MOSPD2: variants seen among roughly 807,000 people sequenced by gnomAD.
MOSPD2 encodes motile sperm domain containing 2.
In MOSPD2, 5 loss-of-function variants were observed where a neutral mutation model predicts 41.7. The ratio of observed to expected loss-of-function variants is 0.12; its 90% CI spans 0.06 to 0.25. MOSPD2 has a LOEUF of 0.25. Among genes scored for constraint, MOSPD2 ranks in the 10% least tolerant of loss-of-function variants. The probability of loss-of-function intolerance (pLI) is 1.00; values close to 1 mark genes in which losing one functional copy is unlikely to be tolerated. For missense variants in MOSPD2, 282 were observed against 375.2 expected (o/e 0.75, Z 2.05); for synonymous variants, 115 against 126.9 (o/e 0.91, Z 0.63).
At chrX:14,888,195 TACACACACACGCACACACACACAC>T (rs1490455166) in intron 2 of MOSPD2, among the ~76,000 whole-genome samples, 52 of 88,778 alleles carry the variant, frequency 5.9e-4, no homozygotes, top group Admixed American at 1.2e-3. Context: ...GGAGAATATA[TACACACACACGCACACACACACAC>T]ACACACACAC....
chrX:14,900,024 C>T (rs149179253), intron 5 of MOSPD2, among the ~76,000 whole-genome samples: 2,036 of 111,095 alleles, frequency 0.018, 18 homozygotes, highest in Non-Finnish European at 0.029. Context: ...ATTTAAAAAG[C>T]CAGAAATGGA....
At chrX:14,907,462 C>T (rs1230310380) in intron 7 of MOSPD2, among the ~76,000 whole-genome samples, 1 of 112,287 alleles carries the variant, frequency 8.9e-6, no homozygotes, top group Admixed American at 9.5e-5. Context: ...CCTAAATATT[C>T]ATCAGTTGCT....
chrX:14,883,693 G>A (rs1196991213), intron 2 of MOSPD2, among the ~76,000 whole-genome samples: 1 of 111,453 alleles, frequency 9.0e-6, no homozygotes, highest in Non-Finnish European at 1.9e-5. Context: ...TTTTCTACAA[G>A]TACTTACTCT....
In MOSPD2 at chrX:14,900,586, T is replaced by C. The variant is rs1422837038; in HGVS notation, c.489T>C (p.Phe163=). 12 of 1,136,311 alleles carry C rather than the reference T, an allele frequency of 1.1e-5. No homozygotes were observed. The highest frequency in any genetic ancestry group is 1.3e-5 in the Non-Finnish European group (11 of 841,810). 93.6% of individuals were successfully genotyped at this position (1,136,311 alleles called of 1,213,427 possible). ...ETGINSIDMD[F]VRFIINCFKV... ...AATCTTTATTTTAGGACATGGACTTTGTACGCTTTATCATCAACTGCTTTA... is the reference window on the plus strand; with the variant it reads ...AATCTTTATTTTAGGACATGGACTTCGTACGCTTTATCATCAACTGCTTTA... Residue 163 remains phenylalanine, a synonymous_variant, in exon 6 of 15, where the codon TTT becomes TTC. Coordinates refer to ENST00000380492, the MANE Select transcript of MOSPD2 (RefSeq NM_152581.4).
intron 7 of MOSPD2, among the ~76,000 whole-genome samples, chrX:14,907,024 CA>C (rs1267973200): frequency 9.3e-6 from 1 of 107,399 alleles, no homozygotes; most frequent in African/African-American, 3.4e-5. Context: ...AACTCTGTCT[CA>C]AAAAAAAACA....
intron 12 of MOSPD2, 143 bp downstream of exon 12, chrX:14,915,907 A>T (rs897886155): frequency 3.4e-6 from 2 of 595,846 alleles, no homozygotes; most frequent in Non-Finnish European, 5.3e-6. Flanking sequence ...CTCGCTGTAG[A>T]CATCTTTTTT....
intron 8 of MOSPD2, among the ~76,000 whole-genome samples, chrX:14,911,006 G>A (rs2092590794): frequency 9.1e-6 from 1 of 110,139 alleles, no homozygotes; most frequent in Non-Finnish European, 1.9e-5. Flanking sequence ...AATTCTTTTT[G>A]GTGTAGAGAG....
At chrX:14,874,766 T>C (rs1002141742) in intron 2 of MOSPD2, among the ~76,000 whole-genome samples, 1 of 111,313 alleles carries the variant, frequency 9.0e-6, no homozygotes, top group African/African-American at 3.3e-5. Context: ...TGGAAATCGG[T>C]TTCAAATACT....
intron 7 of MOSPD2, among the ~76,000 whole-genome samples, chrX:14,905,063 T>C (rs1293323255): frequency 1.8e-5 from 2 of 111,182 alleles, no homozygotes; most frequent in Non-Finnish European, 3.8e-5. Context: ...TCTCTTTGGG[T>C]AAGGCTAATC....
chrX:14,878,767 T>C (rs2092526158), intron 2 of MOSPD2, among the ~76,000 whole-genome samples: 1 of 112,186 alleles, frequency 8.9e-6, no homozygotes, highest in South Asian at 3.7e-4. Context: ...GTTACATATG[T>C]ATACATGCGC....
At chrX:14,903,425 C>G (rs1218779679) in intron 7 of MOSPD2, among the ~76,000 whole-genome samples, 1 of 111,481 alleles carries the variant, frequency 9.0e-6, no homozygotes, top group African/African-American at 3.3e-5. Flanking sequence ...ATTTGTCATG[C>G]ACAGATAAGG....
intron 2 of MOSPD2, among the ~76,000 whole-genome samples, chrX:14,876,390 G>C (rs1274506977): frequency 8.9e-6 from 1 of 112,089 alleles, no homozygotes; most frequent in African/African-American, 3.2e-5. Context: ...TTTTCTGCAA[G>C]TGTGTCACTT....
chrX:14,883,297 T>C (rs2092535262), intron 2 of MOSPD2, among the ~76,000 whole-genome samples: 1 of 112,000 alleles, frequency 8.9e-6, no homozygotes, highest in Non-Finnish European at 1.9e-5. Context: ...AGTGGTCTGT[T>C]TACCAAATCT....
chrX:14,916,406 C>G (rs1185369489), intron 13 of MOSPD2, 80 bp downstream of exon 13: 1 of 1,169,712 alleles, frequency 8.5e-7, no homozygotes, highest in African/African-American at 1.8e-5. Context: ...ACCAGGTGGC[C>G]TCCCTTTCTT....
chrX:14,919,964 AAATAAACTGCTAG>A lies in MOSPD2; in HGVS notation c.*162_*174del. On this transcript the variant is annotated 3_prime_UTR_variant, in exon 15 of 15. Coordinates refer to ENST00000380492, the MANE Select transcript of MOSPD2 (RefSeq NM_152581.4). ...GGAGGGGAACACATACATGTCTTGA[AAATAAACTGCTAG>A]AATAAAGAAATGCTGGAGAAATTGA... is the stretch of plus-strand genomic sequence containing the variant. 1 of 1,019,490 alleles carries A rather than the reference AAATAAACTGCTAG, an allele frequency of 9.8e-7. No individual in the cohort carries two copies. The allele number at this position is 1,019,490 out of a possible 1,213,427, so 84.0% of individuals were successfully genotyped here. A position where few individuals can be genotyped will look rare whatever the true frequency, so the allele number is the denominator to read the frequency against.
intron 2 of MOSPD2, among the ~76,000 whole-genome samples, chrX:14,888,202 A>ACG (rs749735833): frequency 1.5e-3 from 63 of 40,744 alleles, no homozygotes; most frequent in South Asian, 3.6e-3. Context: ...ATATACACAC[A>ACG]CACGCACACA....
At position 14,877,307 on chromosome X, in the gene MOSPD2, G is replaced by T. The variant is rs2092522325; in HGVS notation, c.79+3549G>T. Among the ~76,000 whole-genome samples the T allele has an allele frequency of 2.7e-5, 3 of 111,938 alleles. No individual in the cohort carries two copies. The South Asian group carries it at 1.1e-3, about 41-fold the overall frequency. ...AACCCCCATAAACTTACCATTCAGA[G>T]ATAGGTGTCATAACAGTGGATACAT... On this transcript the variant is annotated intron_variant, in intron 2 of 14. Coordinates refer to ENST00000380492, the MANE Select transcript of MOSPD2 (RefSeq NM_152581.4).
chrX:14,883,799 A>C (rs1273655598), intron 2 of MOSPD2, among the ~76,000 whole-genome samples: 1 of 112,303 alleles, frequency 8.9e-6, no homozygotes, highest in Non-Finnish European at 1.9e-5. Flanking sequence ...AACTTCCAGA[A>C]GGAAAAAAAG....
intron 2 of MOSPD2, among the ~76,000 whole-genome samples, chrX:14,877,585 C>T (rs2092523171): frequency 9.1e-6 from 1 of 109,460 alleles, no homozygotes; most frequent in African/African-American, 3.3e-5. Flanking sequence ...CAGGTGATCG[C>T]CTGCCTCGGC....
Sources: allele counts gnomAD v4.1 joint callset (sites outside exome capture counted in the v4.1 genomes callset), GRCh38; gene constraint gnomAD v4.1.1; transcripts MANE v1.5; gene names NCBI Gene and HGNC (gene_info 2026-07-23, HGNC 2026-07-21).